NDUFS1: variants seen among roughly 807,000 people sequenced by gnomAD.
The protein encoded by NDUFS1 is NADH:ubiquinone oxidoreductase core subunit S1.
A neutral mutation model predicts 84.4 loss-of-function variants in NDUFS1; 61 were observed. The observed-to-expected ratio is 0.72, with a 90% confidence interval of 0.59 to 0.89. The LOEUF is 0.89. Ranked by LOEUF, NDUFS1 falls within the 40% of genes least tolerant of loss-of-function variation. The pLI is 0.00. For synonymous variants in NDUFS1, 275 were observed against 290.0 expected (o/e 0.95, Z 0.53); for missense variants, 891 against 890.0 (o/e 1.00, Z -0.01).
chr2:206,126,163 A>G (rs924174809), intron 18 of NDUFS1, among the ~76,000 whole-genome samples: 4 of 152,254 alleles, frequency 2.6e-5, no homozygotes, highest in Non-Finnish European at 4.4e-5. Flanking sequence ...AATTTACATC[A>G]GAAGCACTGT....
In NDUFS1 at chr2:206,119,218, A is replaced by G. The variant is rs769697972; in HGVS notation, c.*4967T>C. On this transcript the variant is annotated 3_prime_UTR_variant, in exon 19 of 19. Transcript: ENST00000233190. Reference sequence around the variant, plus strand: ...TCAGTTAGCACATGGGGCATTTAGTATATGTCAGGAAACAGGCCTAAGGTT... The same window carrying G: ...TCAGTTAGCACATGGGGCATTTAGTGTATGTCAGGAAACAGGCCTAAGGTT... 1 of 152,178 alleles carries G rather than the reference A, an allele frequency of 6.6e-6. No individual in the cohort carries two copies. Among genetic ancestry groups the G allele is most frequent in the African/African-American group, 2.4e-5 (1 of 41,442 alleles). 9.4% of individuals were successfully genotyped at this position (152,178 alleles called of 1,614,324 possible).
At chr2:206,131,501 C>G (rs1691509187) in intron 14 of NDUFS1, among the ~76,000 whole-genome samples, 1 of 152,084 alleles carries the variant, frequency 6.6e-6, no homozygotes, top group African/African-American at 2.4e-5. Context: ...ACCTATGTAA[C>G]TAAAAAATAT....
At chr2:206,125,207 G>GT (rs1198566822) in intron 18 of NDUFS1, among the ~76,000 whole-genome samples, 6 of 151,958 alleles carry the variant, frequency 3.9e-5, no homozygotes, top group Admixed American at 3.9e-4. Context: ...CACATCTGTA[G>GT]TCCCAGCACT....
intron 13 of NDUFS1, among the ~76,000 whole-genome samples, chr2:206,133,969 ACT>A (rs929467270): frequency 8.5e-5 from 13 of 152,276 alleles, no homozygotes; most frequent in Admixed American, 7.2e-4. Flanking sequence ...ACAGAGTGAG[ACT>A]CTGTCTCAAA....
intron 15 of NDUFS1, 55 bp from the exon 16 acceptor site, chr2:206,128,027 C>G: frequency 6.4e-7 from 1 of 1,556,920 alleles, no homozygotes; most frequent in East Asian, 2.3e-5. Context: ...TGATTTTCTA[C>G]TGTACATGAA....
At chr2:206,148,674 C>A (rs1484306321) in intron 5 of NDUFS1, among the ~76,000 whole-genome samples, 2 of 152,090 alleles carry the variant, frequency 1.3e-5, no homozygotes, top group Non-Finnish European at 1.5e-5. Context: ...TCAAAAGTTG[C>A]TGAATGGTCC....
intron 13 of NDUFS1, among the ~76,000 whole-genome samples, chr2:206,137,453 A>T (rs1346081765): frequency 2.6e-5 from 4 of 151,698 alleles, no homozygotes; most frequent in African/African-American, 4.9e-5. Context: ...TGGGTGACAG[A>T]GCGAGACTTC....
chr2:206,116,340 CTT>C lies in NDUFS1; in HGVS notation c.*7843_*7844del, dbSNP rs1690941791. ...ACACTCTCCAAAGCACCAAACTCAT[CTT>C]GTTTGTTCAATTTTGTCCCAACTTC... is the stretch of plus-strand genomic sequence containing the variant. On this transcript the variant is annotated 3_prime_UTR_variant, in exon 19 of 19. Coordinates refer to ENST00000233190, the MANE Select transcript of NDUFS1 (RefSeq NM_005006.7). 3 of 883,912 alleles carry C rather than the reference CTT, an allele frequency of 3.4e-6. No individual in the cohort carries two copies. The highest frequency in any genetic ancestry group is 1.7e-5 in the Admixed American group (1 of 58,044). 54.8% of individuals were successfully genotyped at this position (883,912 alleles called of 1,614,324 possible). A position where few individuals can be genotyped will look rare whatever the true frequency, so the allele number is the denominator to read the frequency against.
rs148398059 is a variant in NDUFS1 at position 206,116,709 on chromosome 2, G to A, written c.*7476C>T. ...AAGACGAGCCTGGGCAACATAGTGAGACCTGTCTCTATAAAATATTTTTAA... is the reference window on the plus strand; with the variant it reads ...AAGACGAGCCTGGGCAACATAGTGAAACCTGTCTCTATAAAATATTTTTAA... On this transcript the variant is annotated 3_prime_UTR_variant, in exon 19 of 19. Transcript: ENST00000233190. The A allele has an allele frequency of 1.1e-4, 33 of 314,278 alleles. No individual in the cohort carries two copies. The highest frequency in any genetic ancestry group is 7.2e-4 in the African/African-American group (33 of 46,058). The allele number at this position is 314,278 out of a possible 1,614,324, so 19.5% of individuals were successfully genotyped here. A position where few individuals can be genotyped will look rare whatever the true frequency, so the allele number is the denominator to read the frequency against.
At chr2:206,143,645 G>C (rs915068396) in intron 10 of NDUFS1, among the ~76,000 whole-genome samples, 1 of 151,474 alleles carries the variant, frequency 6.6e-6, no homozygotes, top group African/African-American at 2.4e-5. Flanking sequence ...GCAGTGGTGC[G>C]ATCTCGGCTC....
At chr2:206,146,535 T>C (rs2105973199) in intron 8 of NDUFS1, among the ~76,000 whole-genome samples, 1 of 152,292 alleles carries the variant, frequency 6.6e-6, no homozygotes, top group East Asian at 1.9e-4. Flanking sequence ...CATAAAGAAA[T>C]ATACAAGCTA....
chr2:206,156,583 A>AG (rs1042872259), intron 1 of NDUFS1, among the ~76,000 whole-genome samples: 1 of 152,164 alleles, frequency 6.6e-6, no homozygotes, highest in Non-Finnish European at 1.5e-5. Context: ...TCAAAAAAAA[A>AG]AGAAAAAAGG....
At chr2:206,131,667 G>C (rs1691515933) in intron 14 of NDUFS1, among the ~76,000 whole-genome samples, 1 of 152,128 alleles carries the variant, frequency 6.6e-6, no homozygotes, top group South Asian at 2.1e-4. Context: ...GCCGGGCGTG[G>C]TGGCTCACAC....
intron 1 of NDUFS1, among the ~76,000 whole-genome samples, chr2:206,157,203 G>A (rs1198752613): frequency 2.0e-5 from 3 of 152,138 alleles, no homozygotes; most frequent in African/African-American, 7.2e-5. Context: ...CACCCGCGTC[G>A]ACCTCCCAAC....
Position 206,144,008 on chromosome 2 carries a change from C to A in NDUFS1, c.987+10G>T. The A allele has an allele frequency of 6.3e-7, 1 of 1,587,006 alleles. No individual in the cohort carries two copies. The highest frequency in any genetic ancestry group is 1.1e-5 in the South Asian group (1 of 90,552). ...AAACACTATTTAACACTATTTATTT[C>A]AAATTTTACCATTCCAGCTACGCGA... On this transcript the variant is annotated intron_variant, in intron 10 of 18. Transcript: ENST00000233190.
At chr2:206,138,649 C>A (rs779005603) in intron 12 of NDUFS1, 35 bp from the exon 13 acceptor site, 3 of 1,608,470 alleles carry the variant, frequency 1.9e-6, no homozygotes, top group Admixed American at 3.3e-5. Flanking sequence ...AAGTAAATAA[C>A]TAAGCTAAGC....
chr2:206,153,766 T>C (rs1692465697), intron 1 of NDUFS1, 84 bp from the exon 2 acceptor site: 1 of 741,100 alleles, frequency 1.3e-6, no homozygotes, highest in Admixed American at 2.6e-5. Context: ...CTTTAAATTA[T>C]TTCACATACA....
At chr2:206,149,505 T>C (rs915936283) in intron 4 of NDUFS1, among the ~76,000 whole-genome samples, 4 of 152,212 alleles carry the variant, frequency 2.6e-5, no homozygotes, top group Non-Finnish European at 4.4e-5. Flanking sequence ...GCGTCAGCAC[T>C]TTTAATGTGC....
chr2:206,133,862 C>G, intron 13 of NDUFS1, among the ~76,000 whole-genome samples: 1 of 152,110 alleles, frequency 6.6e-6, no homozygotes, highest in East Asian at 1.9e-4. Context: ...TACCTGTAGC[C>G]CCAGCTACAC....
Sources: allele counts gnomAD v4.1 joint callset (sites outside exome capture counted in the v4.1 genomes callset), GRCh38; gene constraint gnomAD v4.1.1; transcripts MANE v1.5; gene names NCBI Gene and HGNC (gene_info 2026-07-23, HGNC 2026-07-21).